MSH6: variants seen among roughly 807,000 people sequenced by gnomAD.
MSH6 encodes the protein DNA mismatch repair protein Msh6.
MSH6 carries 85 observed loss-of-function variants against 119.1 expected under a neutral mutation model. The observed-to-expected ratio is 0.71, with a 90% CI of 0.60 to 0.85. MSH6 has a LOEUF of 0.85. Ranked by LOEUF, MSH6 falls within the 40% of genes least tolerant of loss-of-function variation. The pLI is 0.00. For synonymous variants in MSH6, 830 were observed against 586.9 expected (o/e 1.41, Z -5.99); for missense variants, 2,163 against 1,655.3 (o/e 1.31, Z -5.32).
At chr2:47,793,678 A>G (rs1668895713) in intron 2 of MSH6, among the ~76,000 whole-genome samples, 1 of 151,922 alleles carries the variant, frequency 6.6e-6, no homozygotes, top group African/African-American at 2.4e-5. Context: ...ATTGAACCAG[A>G]TGATATATGA....
chr2:47,788,931 T>TTTTTTG (rs1668551280), intron 1 of MSH6, among the ~76,000 whole-genome samples: 1 of 93,552 alleles, frequency 1.1e-5, no homozygotes, highest in East Asian at 3.1e-4. Context: ...TGTTTTTTTT[T>TTTTTTG]TTTTTTTTTT....
Position 47,800,779 on chromosome 2 carries a change from C to A in MSH6, c.2796C>A (p.Gly932=), listed in dbSNP as rs774105284. ...RKTGLITPKA[G]FDSDYDQALA... is the part of the protein sequence containing the mutation. ...CTGGACTTATTACTCCCAAAGCAGGCTTTGACTCTGATTATGACCAAGCTC... is the reference window on the plus strand; with the variant it reads ...CTGGACTTATTACTCCCAAAGCAGGATTTGACTCTGATTATGACCAAGCTC... The change falls in exon 4 of 10, where the codon GGC becomes GGA. Residue 932 remains glycine (G), a synonymous_variant. Coordinates refer to ENST00000234420, the MANE Select transcript of MSH6 (RefSeq NM_000179.3). 1 of 1,614,148 alleles carries A rather than the reference C, an allele frequency of 6.2e-7. No individual in the cohort carries two copies. The highest frequency in any genetic ancestry group is 1.3e-5 in the African/African-American group (1 of 75,044).
At chr2:47,786,827 G>C (rs1668379765) in intron 1 of MSH6, among the ~76,000 whole-genome samples, 2 of 151,910 alleles carry the variant, frequency 1.3e-5, no homozygotes, top group Admixed American at 1.3e-4. Context: ...GAATAATAGA[G>C]GTCTCACTTT....
chr2:47,798,696 C>A lies in MSH6; in HGVS notation c.713C>A (p.Ser238Tyr), dbSNP rs587782510. 6 of 1,613,920 alleles carry A rather than the reference C, an allele frequency of 3.7e-6. No individual in the cohort carries two copies. Among genetic ancestry groups the A allele is most frequent in the Non-Finnish European group, 5.1e-6 (6 of 1,180,016 alleles). Residue 238 changes from serine (S) to tyrosine (Y), a missense_variant, in exon 4 of 10, where the codon TCT (serine) becomes TAT (tyrosine). Physicochemically the swap from Ser to Tyr is moderately radical, Grantham distance 144 (BLOSUM62 -2). Transcript: ENST00000234420. Reference sequence around the variant, plus strand: ...GAAGTACAGCCTAAGACACAAGGATCTAGGCGAAGTAGCCGCCAAATAAAA... The same window carrying A: ...GAAGTACAGCCTAAGACACAAGGATATAGGCGAAGTAGCCGCCAAATAAAA... Reference protein sequence around the residue: ...EEEVQPKTQGSRRSSRQIKKR... With the variant: ...EEEVQPKTQGYRRSSRQIKKR...
In MSH6 at chr2:47,799,556, A is replaced by C. The variant is rs1572723488; in HGVS notation, c.1573A>C (p.Ser525Arg). 1 of 1,614,200 alleles carries C rather than the reference A, an allele frequency of 6.2e-7. No homozygotes were observed. Among genetic ancestry groups the C allele is most frequent in the South Asian group, 1.1e-5 (1 of 91,082 alleles). Residue 525 changes from serine (S) to arginine (R), a missense_variant, in exon 4 of 10, where the codon AGT becomes CGT. By Grantham distance (110) the Ser-to-Arg change is moderately radical. Transcript: ENST00000234420. Reference protein sequence around the residue: ...RIITKGTQTYSVLEGDPSENY... With the variant: ...RIITKGTQTYRVLEGDPSENY... ...CATTACCAAGGGTACACAGACTTAC[A>C]GTGTGCTGGAAGGTGATCCCTCTGA...
rs10666222 is a variant in MSH6, at chr2:47,801,361, G to GTTTTTTTT, written c.3172+224_3172+231dup. On this transcript the variant is annotated intron_variant, in intron 4 of 9. Transcript: ENST00000234420. ...TTAGTAGCCCTTTGGCCTTTCTTCA[G>GTTTTTTTT]TTTTTTTTTTTTTTTTTTTTTTTTT... 3.7e-3 allele frequency: 334 copies of GTTTTTTTT among 89,836 alleles called. 14 individuals are homozygous for GTTTTTTTT. Among genetic ancestry groups the GTTTTTTTT allele is most frequent in the South Asian group, 0.012 (73 of 6,170 alleles). 5.6% of individuals were successfully genotyped at this position (89,836 alleles called of 1,614,324 possible). A position where few individuals can be genotyped will look rare whatever the true frequency, so the allele number is the denominator to read the frequency against.
rs1031374798 is a variant in MSH6, at chr2:47,783,153, C to T, written c.-81C>T. The T allele has an allele frequency of 3.2e-6, 5 of 1,579,606 alleles. No individual in the cohort carries two copies. The highest frequency in any genetic ancestry group is 3.5e-5 in the Admixed American group (2 of 57,682). ...GGAGCGCGCCTCCCCCCAGATTTCC[C>T]GCCAGCAGGAGCCGCGCGGTAGATG... On this transcript the variant is annotated 5_prime_UTR_variant, in exon 1 of 10. Transcript: ENST00000234420.
chr2:47,785,902 C>T (rs1668321245), intron 1 of MSH6, among the ~76,000 whole-genome samples: 1 of 152,320 alleles, frequency 6.6e-6, no homozygotes, highest in Non-Finnish European at 1.5e-5. Flanking sequence ...TTTCACCTCC[C>T]GTTATGGAGA....
chr2:47,803,559 T>A lies in MSH6; in HGVS notation c.3312T>A (p.Phe1104Leu), dbSNP rs747441460. The A allele has an allele frequency of 4.3e-6, 7 of 1,614,030 alleles. No homozygotes were observed. In the Admixed American group the frequency reaches 1.2e-4, roughly 27 times the overall value. ...SRHPCITKTF[F>L]GDDFIPNDIL... ...ATCCTTGCATTACGAAGACTTTTTTTGGAGATGATTTTATTCCTAATGACA... is the reference window on the plus strand; with the variant it reads ...ATCCTTGCATTACGAAGACTTTTTTAGGAGATGATTTTATTCCTAATGACA... The change falls in exon 5 of 10, where the codon TTT becomes TTA. Residue 1104 changes from phenylalanine (F) to leucine (L), a missense_variant. Physicochemically the swap from Phe to Leu is conservative, Grantham distance 22. Coordinates refer to ENST00000234420, the MANE Select transcript of MSH6 (RefSeq NM_000179.3).
At position 47,790,655 on chromosome 2, in the gene MSH6, C is replaced by G. The variant is rs1284997242; in HGVS notation, c.261-272C>G. 6.6e-5 allele frequency among the ~76,000 whole-genome samples: 10 copies of G among 152,264 alleles called. No individual in the cohort carries two copies. In the East Asian group the frequency reaches 1.9e-3, roughly 29 times the overall value. On this transcript the variant is annotated intron_variant, in intron 1 of 9. Transcript: ENST00000234420. The stretch of plus-strand genomic sequence containing the variant: ...CTGCCATCAGCATTATACCAAAATT[C>G]TGCCATGGTTTTTAAACTTTGATTC...
chr2:47,808,475 C>T (rs1272271144), downstream of MSH6: 15 of 1,465,690 alleles, frequency 1.0e-5, no homozygotes, highest in East Asian at 4.6e-5. Context: ...GTCATTAATG[C>T]AAAACATTCC....
intron 1 of MSH6, among the ~76,000 whole-genome samples, chr2:47,788,246 C>CTTTTTTTTTTTTTTTTTTTTT (rs560110301): frequency 2.3e-4 from 21 of 90,052 alleles, no homozygotes; most frequent in South Asian, 3.8e-4. Flanking sequence ...TTCTTTCTTT[C>CTTTTTTTTTTTTTTTTTTTTT]TTTTTTTTTT....
chr2:47,803,666 A>C lies in MSH6; in HGVS notation c.3419A>C (p.Lys1140Thr). Residue 1140 changes from lysine (K) to threonine (T), a missense_variant, in exon 5 of 10, where the codon AAG (lysine) becomes ACG (threonine). Lys to Thr is a moderately conservative substitution (Grantham distance 78). Transcript: ENST00000234420. ...VLVTGPNMGG[K>T]STLMRQAGLL... ...GTTACTGGACCAAATATGGGGGGCA[A>C]GTCTACGCTTATGAGACAGGTAACT... is the stretch of plus-strand genomic sequence containing the variant. 1 of 1,614,242 alleles carries C rather than the reference A, an allele frequency of 6.2e-7. No individual in the cohort carries two copies. Among genetic ancestry groups the C allele is most frequent in the East Asian group, 2.2e-5 (1 of 44,888 alleles).
At chr2:47,797,099 C>T (rs1288530813) in intron 3 of MSH6, among the ~76,000 whole-genome samples, 4 of 152,136 alleles carry the variant, frequency 2.6e-5, no homozygotes, top group South Asian at 2.1e-4. Flanking sequence ...TTTCTTAAAA[C>T]ATTTTGTGAT....
In MSH6 at chr2:47,804,875, C is replaced by A. The variant is rs566351219; in HGVS notation, c.3439-35C>A. 159 of 1,468,774 alleles carry A rather than the reference C, an allele frequency of 1.1e-4. 1 individual carries two copies. In the South Asian group the frequency reaches 1.7e-3, roughly 16 times the overall value. 91.0% of individuals were successfully genotyped at this position (1,468,774 alleles called of 1,614,324 possible). A position where few individuals can be genotyped will look rare whatever the true frequency, so the allele number is the denominator to read the frequency against. On this transcript the variant is annotated intron_variant, in intron 5 of 9. Transcript: ENST00000234420. ...CAAAAGTTTATGAAACTGTTACTAC[C>A]AGTCATAAAAGACCTTTTCCTCCCT...
downstream of MSH6, chr2:47,809,989 T>A (rs1220791343): frequency 2.0e-6 from 1 of 490,894 alleles, no homozygotes; most frequent in African/African-American, 2.0e-5. Context: ...CATCTCTTTT[T>A]CTGTTGCAGA....
chr2:47,804,085 A>G (rs1204587666), intron 5 of MSH6, among the ~76,000 whole-genome samples: 1 of 152,058 alleles, frequency 6.6e-6, no homozygotes, highest in African/African-American at 2.4e-5. Flanking sequence ...ATAGTTCATG[A>G]CCTCTAGCAA....
At chr2:47,786,466 C>G (rs570565955) in intron 1 of MSH6, among the ~76,000 whole-genome samples, 1 of 152,082 alleles carries the variant, frequency 6.6e-6, no homozygotes, top group African/African-American at 2.4e-5. Flanking sequence ...TCTCAAGTAC[C>G]TGGTATTACA....
intron 9 of MSH6, 34 bp downstream of exon 9, chr2:47,806,685 C>T (rs751237843): frequency 6.3e-7 from 1 of 1,590,966 alleles, no homozygotes; most frequent in Admixed American, 1.7e-5. Flanking sequence ...TTATAACTAA[C>T]TGACCTTAAG....
Sources: allele counts gnomAD v4.1 joint callset (sites outside exome capture counted in the v4.1 genomes callset), GRCh38; gene constraint gnomAD v4.1.1; transcripts MANE v1.5; gene names NCBI Gene and HGNC (gene_info 2026-07-23, HGNC 2026-07-21).